Variants in MGLL observed in about 807,000 individuals in gnomAD.
MGLL encodes the protein monoglyceride lipase.
In MGLL, 7 loss-of-function variants were observed where a neutral mutation model predicts 29.1. That is an observed-to-expected ratio of 0.24 (90% CI 0.14 to 0.45). The LOEUF is 0.45. Ranked by LOEUF, MGLL falls within the 20% of genes least tolerant of loss-of-function variation. The pLI is 0.99. For synonymous variants in MGLL, 148 were observed against 168.3 expected (o/e 0.88, Z 0.93); for missense variants, 356 against 413.6 (o/e 0.86, Z 1.21).
At chr3:127,785,020 T>C (rs2077189274) in intron 2 of MGLL, among the ~76,000 whole-genome samples, 1 of 152,138 alleles carries the variant, frequency 6.6e-6, no homozygotes, top group Admixed American at 6.5e-5. Flanking sequence ...TAGTGTGCTG[T>C]TAAATGTTTA....
intron 2 of MGLL, among the ~76,000 whole-genome samples, chr3:127,800,965 G>T (rs1204317386): frequency 6.6e-6 from 1 of 151,654 alleles, no homozygotes; most frequent in Non-Finnish European, 1.5e-5. Context: ...AAGTCAGAGA[G>T]AGTACGTATA....
intron 4 of MGLL, among the ~76,000 whole-genome samples, 191 bp from the exon 5 acceptor site, chr3:127,721,354 T>C (rs1315885984): frequency 1.3e-5 from 2 of 152,208 alleles, no homozygotes; most frequent in African/African-American, 4.8e-5. Context: ...CATGTTTTTT[T>C]CTCTGGGTTT....
At chr3:127,692,364 G>C (rs1559900556) in intron 7 of MGLL, 41 bp from the exon 8 acceptor site, 40 of 1,612,884 alleles carry the variant, frequency 2.5e-5, no homozygotes, top group Non-Finnish European at 3.2e-5. Flanking sequence ...TGCACCATCA[G>C]AGGCAGGTGC....
intron 2 of MGLL, among the ~76,000 whole-genome samples, chr3:127,802,501 T>A (rs1295815767): frequency 1.3e-5 from 2 of 152,262 alleles, no homozygotes; most frequent in East Asian, 3.9e-4. Flanking sequence ...AGATGGATAA[T>A]CACCCCCCTT....
intron 2 of MGLL, among the ~76,000 whole-genome samples, chr3:127,792,429 C>T (rs1030531813): frequency 1.3e-5 from 2 of 152,156 alleles, no homozygotes; most frequent in East Asian, 3.9e-4. Flanking sequence ...CTTGGCAGGT[C>T]GCAGTGGCTC....
intron 3 of MGLL, among the ~76,000 whole-genome samples, chr3:127,749,947 C>T (rs2076526207): frequency 6.6e-6 from 1 of 152,086 alleles, no homozygotes; most frequent in African/African-American, 2.4e-5. Flanking sequence ...TTCCAATGGG[C>T]CCAGTAGGTG....
chr3:127,815,202 A>C (rs1365787216), intron 2 of MGLL, among the ~76,000 whole-genome samples: 2 of 150,850 alleles, frequency 1.3e-5, no homozygotes, highest in Non-Finnish European at 3.0e-5. Context: ...CCTTCTCCTC[A>C]CTCCCCTCCT....
intron 2 of MGLL, among the ~76,000 whole-genome samples, chr3:127,817,680 A>C (rs2077781186): frequency 6.6e-6 from 1 of 152,160 alleles, no homozygotes; most frequent in Non-Finnish European, 1.5e-5. Context: ...ATATTTTTGG[A>C]GTCTAAGTCA....
chr3:127,710,598 A>C lies in MGLL; in HGVS notation c.578T>G (p.Val193Gly), dbSNP rs769743301. The C allele has an allele frequency of 7.0e-6, 11 of 1,567,550 alleles. No homozygotes were observed. In the South Asian group the frequency reaches 1.3e-4, roughly 18 times the overall value. The change falls in exon 6 of 8, where the codon GTG (valine) becomes GGG (glycine). Residue 193 changes from valine (V) to glycine (G), a missense_variant. Physicochemically the swap from Val to Gly is moderately radical, Grantham distance 109. Coordinates refer to ENST00000265052, the MANE Select transcript of MGLL (RefSeq NM_007283.7). ...CACCTCTGTCTTATTCCGAGAGAGC[A>C]CGCTGGAGTCGATGGGCCCGAGGGA... ...NLSLGPIDSSVLSRNKTEVDI... is the reference protein window; with the variant it reads ...NLSLGPIDSSGLSRNKTEVDI...
intron 3 of MGLL, among the ~76,000 whole-genome samples, chr3:127,732,355 G>A (rs1266451729): frequency 6.6e-6 from 1 of 152,174 alleles, no homozygotes; most frequent in East Asian, 1.9e-4. Flanking sequence ...AGACCCTGGA[G>A]AGACTAAAGG....
chr3:127,722,636 C>T, intron 3 of MGLL, 70 bp from the exon 4 acceptor site: 4 of 1,600,638 alleles, frequency 2.5e-6, no homozygotes, highest in Non-Finnish European at 8.6e-7. Context: ...CCAGAGTTCT[C>T]CTCACTGCAA....
In MGLL at chr3:127,792,853, G is replaced by A. The variant is rs1439488632; in HGVS notation, c.156-10958C>T. Among the ~76,000 whole-genome samples the A allele has an allele frequency of 6.6e-5, 10 of 152,258 alleles. No individual in the cohort carries two copies. The South Asian group carries it at 1.0e-3, about 16-fold the overall frequency. On this transcript the variant is annotated intron_variant, in intron 2 of 7. Transcript: ENST00000265052. ...CACTGGAGAACATGCAAAGCTATGC[G>A]GGCCCTTGGGAAGACTGCTCCAGAC...
chr3:127,785,491 T>C (rs941694673), intron 2 of MGLL, among the ~76,000 whole-genome samples: 2 of 152,348 alleles, frequency 1.3e-5, no homozygotes, highest in Admixed American at 6.5e-5. Context: ...GCTCCAAATA[T>C]ATACATGACT....
At chr3:127,786,775 C>T (rs752005113) in intron 2 of MGLL, among the ~76,000 whole-genome samples, 1 of 152,174 alleles carries the variant, frequency 6.6e-6, no homozygotes, top group African/African-American at 2.4e-5. Context: ...AGCAATGTCG[C>T]GAGGTAAATA....
intron 2 of MGLL, among the ~76,000 whole-genome samples, chr3:127,800,609 A>G (rs1350015423): frequency 6.6e-6 from 1 of 152,248 alleles, no homozygotes; most frequent in Non-Finnish European, 1.5e-5. Flanking sequence ...AGCCCCAGCC[A>G]GGCTACCCGT....
At position 127,806,513 on chromosome 3, in the gene MGLL, A is replaced by AATGG. The variant is rs535637186; in HGVS notation, c.155+15177_155+15180dup. 1.5e-3 allele frequency among the ~76,000 whole-genome samples: 233 copies of AATGG among 151,828 alleles called. 1 individual carries two copies. The highest frequency in any genetic ancestry group is 3.8e-3 in the Admixed American group (58 of 15,232). On this transcript the variant is annotated intron_variant, in intron 2 of 7. Transcript: ENST00000265052. ...GGGTGGGTGGATGGATGAACGAATG[A>AATGG]ATGGATGGATGGATGGATGGATGGA...
intron 2 of MGLL, among the ~76,000 whole-genome samples, chr3:127,787,149 G>C (rs1174894680): frequency 6.6e-6 from 1 of 152,242 alleles, no homozygotes. Context: ...TTCAGGGCCA[G>C]GGACAACTCA....
intron 6 of MGLL, among the ~76,000 whole-genome samples, chr3:127,695,965 C>A (rs1018460743): frequency 1.3e-5 from 2 of 152,206 alleles, no homozygotes; most frequent in African/African-American, 4.8e-5. Flanking sequence ...GGGTTCTGTG[C>A]TGGAAAGCGA....
chr3:127,717,974 C>G (rs970702539), intron 5 of MGLL, among the ~76,000 whole-genome samples: 3 of 152,208 alleles, frequency 2.0e-5, no homozygotes, highest in African/African-American at 7.2e-5. Context: ...TGAATTTCTG[C>G]TGCTACCACT....
Sources: allele counts gnomAD v4.1 joint callset (sites outside exome capture counted in the v4.1 genomes callset), GRCh38; gene constraint gnomAD v4.1.1; transcripts MANE v1.5; gene names NCBI Gene and HGNC (gene_info 2026-07-23, HGNC 2026-07-21).